ATP2B2: variants seen among roughly 807,000 people sequenced by gnomAD.
ATP2B2 encodes plasma membrane calcium-transporting ATPase 2.
In ATP2B2, 15 loss-of-function variants were observed where a neutral mutation model predicts 120.0. That is an observed-to-expected ratio of 0.12 (90% confidence interval 0.08 to 0.19). The LOEUF (loss-of-function observed/expected upper bound fraction) is 0.19, where lower values mean the gene tolerates loss of function less well. ATP2B2 is among the 10% of genes least tolerant of loss of function. The probability of loss-of-function intolerance (pLI) is 1.00; values close to 1 mark genes in which losing one functional copy is unlikely to be tolerated. For synonymous variants in ATP2B2, 694 were observed against 700.3 expected (o/e 0.99, Z 0.14); for missense variants, 1,045 against 1,719.8 (o/e 0.61, Z 6.94).
chr3:10,352,344 G>T (rs892459420), intron 14 of ATP2B2, among the ~76,000 whole-genome samples: 12 of 152,224 alleles, frequency 7.9e-5, no homozygotes, highest in African/African-American at 2.7e-4. Flanking sequence ...CAGCCTGTGG[G>T]GCTGCTCTCT....
intron 16 of ATP2B2, among the ~76,000 whole-genome samples, chr3:10,349,338 C>T (rs1478497972): frequency 1.3e-5 from 2 of 152,162 alleles, no homozygotes; most frequent in Non-Finnish European, 2.9e-5. Context: ...GCCTGTAGTC[C>T]TAGCTACTTG....
intron 1 of ATP2B2, among the ~76,000 whole-genome samples, chr3:10,624,502 G>A (rs147483428): frequency 2.8e-4 from 42 of 152,284 alleles, no homozygotes; most frequent in African/African-American, 9.6e-4. Flanking sequence ...GTGTGTCCCA[G>A]GGGTTGACAA....
intron 2 of ATP2B2, among the ~76,000 whole-genome samples, chr3:10,421,028 T>A (rs2062960274): frequency 6.6e-6 from 1 of 152,094 alleles, no homozygotes; most frequent in Non-Finnish European, 1.5e-5. Context: ...TGGGGACTTG[T>A]TAGAAATGCA....
At chr3:10,412,884 C>T (rs2062660014) in intron 2 of ATP2B2, among the ~76,000 whole-genome samples, 1 of 152,136 alleles carries the variant, frequency 6.6e-6, no homozygotes, top group African/African-American at 2.4e-5. Flanking sequence ...CCCAGCAAAC[C>T]CTAGCTCTTC....
chr3:10,445,824 C>T (rs2063818468), intron 2 of ATP2B2, among the ~76,000 whole-genome samples: 1 of 152,204 alleles, frequency 6.6e-6, no homozygotes, highest in Non-Finnish European at 1.5e-5. Flanking sequence ...AACTGAGTCC[C>T]TGTGTCTGGA....
At chr3:10,492,309 T>G (rs943675822) in intron 1 of ATP2B2, among the ~76,000 whole-genome samples, 1 of 152,128 alleles carries the variant, frequency 6.6e-6, no homozygotes, top group Non-Finnish European at 1.5e-5. Flanking sequence ...TTGGCCTGCA[T>G]GGGTCTAATC....
chr3:10,365,736 T>C (rs1331363008), intron 12 of ATP2B2, among the ~76,000 whole-genome samples: 5 of 23,138 alleles, frequency 2.2e-4, no homozygotes, highest in African/African-American at 6.9e-4. Flanking sequence ...GTGTGGTGCA[T>C]GGTGTGCGTT....
chr3:10,670,148 G>T (rs2071057073), intron 1 of ATP2B2, among the ~76,000 whole-genome samples: 1 of 152,190 alleles, frequency 6.6e-6, no homozygotes, highest in African/African-American at 2.4e-5. Context: ...AAATTAGGTT[G>T]CGTTAAGAGA....
intron 2 of ATP2B2, among the ~76,000 whole-genome samples, chr3:10,612,503 G>T (rs368246801): frequency 4.6e-5 from 7 of 152,124 alleles, no homozygotes; most frequent in African/African-American, 1.4e-4. Context: ...TATTTGCTTT[G>T]CTGGCCCTTC....
rs2060305203 is a variant in ATP2B2, at chr3:10,342,430, A to G, written c.2917+322T>C. Among the ~76,000 whole-genome samples the G allele has an allele frequency of 6.6e-6, 1 of 152,198 alleles. No individual in the cohort carries two copies. Among genetic ancestry groups the G allele is most frequent in the Non-Finnish European group, 1.5e-5 (1 of 68,026 alleles). On this transcript the variant is annotated intron_variant, in intron 19 of 22. Transcript: ENST00000360273. This position sits in a 1 kb window ranked among gnomAD's most constrained non-coding sequence, Gnocchi z 4.4. ...AGAAGGGGTGAGTCACTCCCCTCCC[A>G]GCCTCAGGTGCCTCTGGGGCTGCCA...
intron 1 of ATP2B2, among the ~76,000 whole-genome samples, chr3:10,462,733 T>G (rs2064548484): frequency 6.6e-6 from 1 of 152,240 alleles, no homozygotes; most frequent in Non-Finnish European, 1.5e-5. Flanking sequence ...TGCTGCCTTT[T>G]GGATTTGAGC....
rs2060813056 is a variant in ATP2B2, at chr3:10,358,802, G to A, written c.2025C>T (p.Ala675=). The A allele has an allele frequency of 6.2e-7, 1 of 1,614,118 alleles. No homozygotes were observed. The highest frequency in any genetic ancestry group is 1.3e-5 in the African/African-American group (1 of 74,940). Residue 675 remains alanine, a synonymous_variant, in exon 14 of 23, where the codon GCC becomes GCT. Coordinates refer to ENST00000360273, the MANE Select transcript of ATP2B2 (RefSeq NM_001001331.4). ...ACDGLRTICV[A]YRDFPSSPEP... is the part of the protein sequence containing the mutation. ...CCGGGCTGCTGGGGAAGTCGCGGTAGGCCACGCAGATAGTGCGGAGCCCAT... is the reference window on the plus strand; with the variant it reads ...CCGGGCTGCTGGGGAAGTCGCGGTAAGCCACGCAGATAGTGCGGAGCCCAT...
At position 10,328,886 on chromosome 3, in the gene ATP2B2, C is replaced by A. The variant is rs757823801; in HGVS notation, c.3660G>T (p.Thr1220=). Residue 1220 remains threonine, a synonymous_variant, in exon 23 of 23, where the codon ACG becomes ACT. Transcript: ENST00000360273. The part of the protein sequence containing the change: ...NSAIDSGINL[T]TDTSKSATSS... ...AGGTAGCTGATTTGCTTGTGTCGGTCGTCAGGTTGATCCCACTGTCGATGG... is the reference window on the plus strand; with the variant it reads ...AGGTAGCTGATTTGCTTGTGTCGGTAGTCAGGTTGATCCCACTGTCGATGG... 6.2e-7 allele frequency: 1 copy of A among 1,613,728 alleles called. No individual in the cohort carries two copies.
In ATP2B2 at chr3:10,431,997, A is replaced by G. The variant is rs551089770; in HGVS notation, c.199+17348T>C. Among the ~76,000 whole-genome samples the G allele has an allele frequency of 2.6e-5, 4 of 152,336 alleles. No homozygotes were observed. The South Asian group carries it at 8.3e-4, about 32-fold the overall frequency. On this transcript the variant is annotated intron_variant, in intron 2 of 22. Coordinates refer to ENST00000360273, the MANE Select transcript of ATP2B2 (RefSeq NM_001001331.4). ...CACTCCCGGCACTTTTCAGGGACAA[A>G]ATTTCAGGACAGAGCTGGAATGACA... is the stretch of plus-strand genomic sequence containing the variant.
Position 10,343,046 on chromosome 3 carries a change from C to T in ATP2B2, c.2704-81G>A. Reference sequence around the variant, plus strand: ...GCTGGGCGGGCTCATGGTGTAGTGTCCGCAGGCTCCTGCTGGAGGCTGGAG... The same window carrying T: ...GCTGGGCGGGCTCATGGTGTAGTGTTCGCAGGCTCCTGCTGGAGGCTGGAG... On this transcript the variant is annotated intron_variant, in intron 18 of 22. Coordinates refer to ENST00000360273, the MANE Select transcript of ATP2B2 (RefSeq NM_001001331.4). This position sits in a 1 kb window ranked among gnomAD's most constrained non-coding sequence, Gnocchi z 4.2. 1 of 1,456,850 alleles carries T rather than the reference C, an allele frequency of 6.9e-7. No homozygotes were observed. The highest frequency in any genetic ancestry group is 1.2e-5 in the South Asian group (1 of 86,054). 90.2% of individuals were successfully genotyped at this position (1,456,850 alleles called of 1,614,324 possible).
intron 2 of ATP2B2, among the ~76,000 whole-genome samples, chr3:10,600,514 C>T (rs1351120525): frequency 1.3e-5 from 2 of 152,236 alleles, no homozygotes; most frequent in African/African-American, 4.8e-5. Flanking sequence ...AATCACAGTT[C>T]ACCCAGGAAC....
At chr3:10,596,697 A>G (rs2068772134) in intron 2 of ATP2B2, among the ~76,000 whole-genome samples, 1 of 152,238 alleles carries the variant, frequency 6.6e-6, no homozygotes, top group Admixed American at 6.5e-5. Flanking sequence ...GCTTAGTTTC[A>G]AAAGAGAACC....
intron 5 of ATP2B2, among the ~76,000 whole-genome samples, chr3:10,391,864 G>A (rs2061862034): frequency 6.6e-6 from 1 of 152,186 alleles, no homozygotes; most frequent in African/African-American, 2.4e-5. Context: ...TCTTGGCCCT[G>A]GACACTGAGT....
chr3:10,588,176 C>T (rs1203500612), intron 2 of ATP2B2, among the ~76,000 whole-genome samples: 1 of 152,200 alleles, frequency 6.6e-6, no homozygotes, highest in Non-Finnish European at 1.5e-5. Flanking sequence ...ACATTTAGGG[C>T]TAGAAAATTC....
Sources: gnomAD v4.1 joint callset for allele counts (sites outside exome capture counted in the v4.1 genomes callset) on GRCh38, gnomAD v4.1.1 for gene constraint, Gnocchi (gnomAD v3.1) non-coding constraint, MANE v1.5 for transcripts, NCBI Gene and HGNC (gene_info 2026-07-23, HGNC 2026-07-21) for gene names.